Variants in USP26 observed in about 807,000 individuals in gnomAD.
USP26 encodes ubiquitin carboxyl-terminal hydrolase 26.
For missense variants in USP26, 649 were observed against 642.3 expected (o/e 1.01, Z -0.11); for synonymous variants, 236 against 240.6 (o/e 0.98, Z 0.18).
chrX:133,096,772 G>A (rs775971061), intron 1 of USP26, among the ~76,000 whole-genome samples: 1 of 111,448 alleles, frequency 9.0e-6, no homozygotes, highest in African/African-American at 3.3e-5. Flanking sequence ...GCAGGCGCCT[G>A]TAATCCCAGT....
chrX:133,031,252 A>G (rs376733490), intron 5 of USP26, among the ~76,000 whole-genome samples: 2 of 112,078 alleles, frequency 1.8e-5, no homozygotes, highest in South Asian at 3.8e-4. Flanking sequence ...GAGCCAGGTA[A>G]TGACTATATG....
intron 5 of USP26, among the ~76,000 whole-genome samples, chrX:133,079,431 C>A (rs1211744205): frequency 8.9e-6 from 1 of 111,876 alleles, no homozygotes; most frequent in African/African-American, 3.2e-5. Context: ...AATCAAAGAT[C>A]ATGAGCAGTG....
intron 5 of USP26, among the ~76,000 whole-genome samples, chrX:133,075,756 A>C (rs1235236198): frequency 8.9e-6 from 1 of 111,947 alleles, no homozygotes; most frequent in African/African-American, 3.2e-5. Flanking sequence ...TGAGATGCAG[A>C]GGTGTTGTGT....
chrX:133,040,030 T>G (rs2067412553), intron 5 of USP26, among the ~76,000 whole-genome samples: 1 of 111,663 alleles, frequency 9.0e-6, no homozygotes, highest in Non-Finnish European at 1.9e-5. Context: ...TTTTTTTTGC[T>G]TTCCATTTGC....
At chrX:133,061,110 G>A (rs1267705768) in intron 5 of USP26, among the ~76,000 whole-genome samples, 1 of 111,566 alleles carries the variant, frequency 9.0e-6, no homozygotes, top group African/African-American at 3.3e-5. Context: ...TGTATTTATG[G>A]TGGTTTTTCT....
In USP26 at chrX:133,026,015, A is replaced by T. The variant is rs752300327; in HGVS notation, c.2206T>A (p.Ser736Thr). 7.9e-5 allele frequency: 96 copies of T among 1,210,167 alleles called. No individual in the cohort carries two copies. Among genetic ancestry groups the T allele is most frequent in the Middle Eastern group, 2.3e-4 (1 of 4,353 alleles). ...CCGTCACACTGCTGAGTCTGTTCAGACACTTTTTGGAATCTTTCTGGAATT... is the reference window on the plus strand; with the variant it reads ...CCGTCACACTGCTGAGTCTGTTCAGTCACTTTTTGGAATCTTTCTGGAATT... ...IRIPERFQKV[S>T]EQTQQCDGMR... Residue 736 changes from serine to threonine, a missense_variant, in exon 6 of 6, where the codon TCT (serine) becomes ACT (threonine). Transcript: ENST00000511190.
chrX:133,067,521 T>C (rs1448565906), intron 5 of USP26, among the ~76,000 whole-genome samples: 1 of 112,551 alleles, frequency 8.9e-6, no homozygotes, highest in Admixed American at 9.4e-5. Flanking sequence ...GTTGCACATA[T>C]AGCCATGGAA....
At chrX:133,079,922 A>C (rs938972386) in intron 5 of USP26, among the ~76,000 whole-genome samples, 1 of 111,823 alleles carries the variant, frequency 8.9e-6, no homozygotes, top group African/African-American at 3.2e-5. Flanking sequence ...TTACTAGATG[A>C]TTTTCTAGTG....
chrX:133,054,165 G>A (rs1019713295), intron 5 of USP26, among the ~76,000 whole-genome samples: 7 of 111,569 alleles, frequency 6.3e-5, no homozygotes, highest in Admixed American at 2.9e-4. Context: ...TCCTACATAC[G>A]GGCAAAAGGT....
At chrX:133,070,141 T>C (rs1002089689) in intron 5 of USP26, among the ~76,000 whole-genome samples, 5 of 111,841 alleles carry the variant, frequency 4.5e-5, no homozygotes, top group African/African-American at 1.3e-4. Flanking sequence ...AGCTAGTATA[T>C]GGAGACAGAG....
At chrX:133,073,595 C>G (rs1397539374) in intron 5 of USP26, among the ~76,000 whole-genome samples, 1 of 110,790 alleles carries the variant, frequency 9.0e-6, no homozygotes, top group African/African-American at 3.3e-5. Flanking sequence ...TTAGAAGCTG[C>G]TGGACAGCTA....
At chrX:133,078,658 A>G (rs1360131121) in intron 5 of USP26, among the ~76,000 whole-genome samples, 3 of 112,478 alleles carry the variant, frequency 2.7e-5, no homozygotes, top group African/African-American at 9.7e-5. Flanking sequence ...TGCCTTATCA[A>G]TGCTACCACA....
intron 1 of USP26, among the ~76,000 whole-genome samples, chrX:133,092,912 A>G (rs2067612711): frequency 9.0e-6 from 1 of 111,678 alleles, no homozygotes; most frequent in African/African-American, 3.3e-5. Flanking sequence ...AAAGGTACTA[A>G]TAAGTCATTC....
intron 5 of USP26, among the ~76,000 whole-genome samples, chrX:133,069,399 A>G (rs765929595): frequency 9.0e-6 from 1 of 111,397 alleles, no homozygotes; most frequent in Non-Finnish European, 1.9e-5. Context: ...ACAATTATGA[A>G]TGAGAAGCTT....
intron 5 of USP26, among the ~76,000 whole-genome samples, chrX:133,045,032 G>T (rs149723421): frequency 6.1e-4 from 68 of 111,983 alleles, no homozygotes; most frequent in African/African-American, 1.9e-3. Flanking sequence ...TCAGCACTCT[G>T]TGTCTAGCTC....
chrX:133,047,440 C>T (rs142362390), intron 5 of USP26, among the ~76,000 whole-genome samples: 1 of 112,397 alleles, frequency 8.9e-6, no homozygotes, highest in East Asian at 2.8e-4. Context: ...TCTACCCCAA[C>T]ACAGTTTAGT....
rs1261736657 is a variant in USP26, at chrX:133,026,604, G to C, written c.1617C>G (p.Val539=). The part of the protein sequence containing the change: ...FCALKKNDQE[V]IISKYLKVSS... ...ACACCTTTAAATATTTGGAAATGAT[G>C]ACTTCCTGGTCATTCTTCTTTAATG... is the stretch of plus-strand genomic sequence containing the variant. The change falls in exon 6 of 6, where the codon GTC becomes GTG. Residue 539 remains valine (V), a synonymous_variant. Coordinates refer to ENST00000511190, the MANE Select transcript of USP26 (RefSeq NM_031907.3). 8.3e-7 allele frequency: 1 copy of C among 1,207,686 alleles called. No individual in the cohort carries two copies. Among genetic ancestry groups the C allele is most frequent in the Non-Finnish European group, 1.1e-6 (1 of 893,647 alleles).
intron 5 of USP26, among the ~76,000 whole-genome samples, chrX:133,055,272 AG>A (rs1203707058): frequency 9.0e-6 from 1 of 111,605 alleles, no homozygotes; most frequent in Non-Finnish European, 1.9e-5. Context: ...AGGATATCCC[AG>A]CTATCACAAG....
chrX:133,038,948 G>A (rs934483126), intron 5 of USP26, among the ~76,000 whole-genome samples: 4 of 112,045 alleles, frequency 3.6e-5, no homozygotes, highest in African/African-American at 1.3e-4. Flanking sequence ...GTTTATCTGT[G>A]TAGAGGTGTT....
Sources: gnomAD v4.1 joint callset for allele counts (sites outside exome capture counted in the v4.1 genomes callset) on GRCh38, gnomAD v4.1.1 for gene constraint, MANE v1.5 for transcripts, NCBI Gene and HGNC (gene_info 2026-07-23, HGNC 2026-07-21) for gene names.